SLC4A10: variants seen among roughly 807,000 people sequenced by gnomAD.
SLC4A10 encodes sodium-driven chloride bicarbonate exchanger.
In SLC4A10, 42 loss-of-function variants were observed where a neutral mutation model predicts 137.7. The observed-to-expected ratio is 0.30, with a 90% confidence interval of 0.24 to 0.39. The LOEUF is 0.39. SLC4A10 is among the 10% of genes least tolerant of loss of function. The pLI, the probability that SLC4A10 is intolerant of heterozygous loss-of-function variation, is 1.00. For missense variants in SLC4A10, 925 were observed against 1,355.0 expected, an observed-to-expected ratio of 0.68 and a Z score of 4.98; for synonymous variants, 474 against 464.1, an observed-to-expected ratio of 1.02 and a Z score of -0.27.
chr2:161,964,168 G>A lies in SLC4A10; in HGVS notation c.2896G>A (p.Ala966Thr), dbSNP rs141608873. ...TAGGATAAAGCTCTTCTGGATGCCG[G>A]CAAAACATCAACCAGATTTTATATA... The part of the protein sequence containing the change: ...FDRIKLFWMP[A>T]KHQPDFIYLR... Residue 966 changes from alanine (A) to threonine (T), a missense_variant, in exon 22 of 27, where the codon GCA (alanine) becomes ACA (threonine). Ala to Thr is a moderately conservative substitution (Grantham distance 58). Coordinates refer to ENST00000446997, the MANE Select transcript of SLC4A10 (RefSeq NM_001178015.2). The A allele has an allele frequency of 1.3e-4, 211 of 1,611,180 alleles. No homozygotes were observed. The highest frequency in any genetic ancestry group is 1.5e-4 in the Non-Finnish European group (174 of 1,178,434).
chr2:161,915,699 C>G (rs1686963646), intron 15 of SLC4A10, among the ~76,000 whole-genome samples: 1 of 152,316 alleles, frequency 6.6e-6, no homozygotes, highest in South Asian at 2.1e-4. Context: ...CCTGCACTTG[C>G]TTGTTCTGGT....
At chr2:161,725,235 A>G (rs2125143311) in intron 1 of SLC4A10, among the ~76,000 whole-genome samples, 1 of 152,296 alleles carries the variant, frequency 6.6e-6, no homozygotes, top group East Asian at 1.9e-4. Flanking sequence ...TTACCTTTGT[A>G]GTATGGCACA....
At chr2:161,788,780 G>C (rs141234623) in intron 2 of SLC4A10, among the ~76,000 whole-genome samples, 1 of 152,246 alleles carries the variant, frequency 6.6e-6, no homozygotes, top group Non-Finnish European at 1.5e-5. Context: ...TTGGGATGGG[G>C]AGACAGGTCC....
intron 21 of SLC4A10, among the ~76,000 whole-genome samples, chr2:161,962,341 C>A (rs1231795608): frequency 5.3e-5 from 8 of 152,070 alleles, no homozygotes; most frequent in Admixed American, 5.2e-4. Context: ...AATTGAAGCA[C>A]CCACACACTG....
chr2:161,747,676 T>C (rs2048526254), intron 1 of SLC4A10, among the ~76,000 whole-genome samples: 1 of 152,132 alleles, frequency 6.6e-6, no homozygotes. Context: ...AGACTGAATG[T>C]TATTCTGTTA....
rs913188909 is a variant in SLC4A10 at position 161,977,229 on chromosome 2, A to T, written c.3344+353A>T. On this transcript the variant is annotated intron_variant, in intron 25 of 26. Transcript: ENST00000446997. ...TGCACTCCTTTATTTTCCCTTTTTT[A>T]GACTGATATGCACTGTGTGTATTTT... 7 of 296,068 alleles carry T rather than the reference A, an allele frequency of 2.4e-5. No homozygotes were observed. The South Asian group carries it at 2.6e-4, about 11-fold the overall frequency. 18.3% of individuals were successfully genotyped at this position (296,068 alleles called of 1,614,324 possible). A position where few individuals can be genotyped will look rare whatever the true frequency, so the allele number is the denominator to read the frequency against.
chr2:161,830,626 A>G (rs1367240025), intron 3 of SLC4A10, among the ~76,000 whole-genome samples: 3 of 152,160 alleles, frequency 2.0e-5, no homozygotes, highest in African/African-American at 7.2e-5. Flanking sequence ...CCAGAAAGCT[A>G]TGCATAAAGT....
rs558017848 is a variant in SLC4A10, at chr2:161,708,615, T to C, written c.49-62358T>C. ...ACTGCACAGGGGAGATGATAAATAG[T>C]ATATGTGATTTGATATCTTGATGAT... On this transcript the variant is annotated intron_variant, in intron 1 of 26. Transcript: ENST00000446997. 11 of 1,376,676 alleles carry C rather than the reference T, an allele frequency of 8.0e-6. No individual in the cohort carries two copies. In the East Asian group the frequency reaches 2.8e-4, roughly 35 times the overall value. 85.3% of individuals were successfully genotyped at this position (1,376,676 alleles called of 1,614,324 possible).
At chr2:161,933,181 TC>T (rs1228802665) in intron 15 of SLC4A10, among the ~76,000 whole-genome samples, 300 of 140,670 alleles carry the variant, frequency 2.1e-3, no homozygotes, top group Middle Eastern at 0.011. Flanking sequence ...TCCCCTTCCT[TC>T]TTTTCTTTCT....
At chr2:161,779,860 C>G (rs2052808324) in intron 2 of SLC4A10, among the ~76,000 whole-genome samples, 1 of 151,868 alleles carries the variant, frequency 6.6e-6, no homozygotes, top group Non-Finnish European at 1.5e-5. Flanking sequence ...ACATGAAATT[C>G]AGACTTTAAT....
intron 1 of SLC4A10, among the ~76,000 whole-genome samples, chr2:161,681,919 G>A (rs2040896843): frequency 1.3e-5 from 2 of 152,020 alleles, no homozygotes; most frequent in Non-Finnish European, 2.9e-5. Context: ...GCCTTGAGCT[G>A]ATATTTCTAT....
chr2:161,877,309 A>T lies in SLC4A10; in HGVS notation c.949-1822A>T, dbSNP rs565686628. On this transcript the variant is annotated intron_variant, in intron 8 of 26. Transcript: ENST00000446997. The stretch of plus-strand genomic sequence containing the variant: ...TATCAATTATGGATTTTAAAAAAAG[A>T]TGTTTTCTCATTTTAAATTTTGTTC... 2.0e-5 allele frequency among the ~76,000 whole-genome samples: 3 copies of T among 152,072 alleles called. No individual in the cohort carries two copies. The South Asian group carries it at 6.2e-4, about 31-fold the overall frequency.
chr2:161,789,214 C>T (rs1574974352), intron 2 of SLC4A10, among the ~76,000 whole-genome samples: 1 of 152,174 alleles, frequency 6.6e-6, no homozygotes, highest in East Asian at 1.9e-4. Context: ...TTGCCACCAA[C>T]TGCATTGCCT....
At chr2:161,682,524 A>G (rs2040970299) in intron 1 of SLC4A10, among the ~76,000 whole-genome samples, 1 of 152,168 alleles carries the variant, frequency 6.6e-6, no homozygotes, top group Admixed American at 6.6e-5. Flanking sequence ...ACAGGATTTG[A>G]GTTCAATGAG....
chr2:161,713,295 AC>A (rs1310027489), intron 1 of SLC4A10, among the ~76,000 whole-genome samples: 4 of 151,826 alleles, frequency 2.6e-5, no homozygotes, highest in African/African-American at 4.8e-5. Flanking sequence ...AATAAAAAAA[AC>A]AAAAGAGCAG....
intron 2 of SLC4A10, among the ~76,000 whole-genome samples, chr2:161,777,809 A>G (rs1441587264): frequency 1.3e-5 from 2 of 151,986 alleles, no homozygotes; most frequent in African/African-American, 4.8e-5. Context: ...CTGGGTGGGG[A>G]CACAGAGCCA....
chr2:161,733,889 T>C (rs142524884), intron 1 of SLC4A10, among the ~76,000 whole-genome samples: 105 of 152,232 alleles, frequency 6.9e-4, no homozygotes, highest in Admixed American at 3.0e-3. Flanking sequence ...GGAGATCAAT[T>C]TGGATTTTTA....
At chr2:161,916,252 C>T (rs1687090667) in intron 15 of SLC4A10, among the ~76,000 whole-genome samples, 1 of 152,110 alleles carries the variant, frequency 6.6e-6, no homozygotes, top group Non-Finnish European at 1.5e-5. Context: ...CAACTCTTTC[C>T]CCCTCAGTAA....
chr2:161,839,164 G>A (rs1490103918), intron 3 of SLC4A10, among the ~76,000 whole-genome samples: 3 of 152,204 alleles, frequency 2.0e-5, no homozygotes, highest in Non-Finnish European at 4.4e-5. Context: ...CACAATGACA[G>A]ATAAATCTCA....
Sources: gnomAD v4.1 joint callset for allele counts (sites outside exome capture counted in the v4.1 genomes callset) on GRCh38, gnomAD v4.1.1 for gene constraint, MANE v1.5 for transcripts, NCBI Gene and HGNC (gene_info 2026-07-23, HGNC 2026-07-21) for gene names.